The following ITGA1 variants were observed in gnomAD, a reference collection of about 807,000 sequenced individuals.
ITGA1 encodes integrin alpha-1.
In ITGA1, 85 loss-of-function variants were observed where a neutral mutation model predicts 145.9. The observed-to-expected ratio is 0.58, with a 90% CI of 0.49 to 0.70. ITGA1 has a LOEUF of 0.70. Among genes scored for constraint, ITGA1 ranks in the 30% least tolerant of loss-of-function variants. ITGA1 has a pLI of 0.00. For synonymous variants in ITGA1, 520 were observed against 495.3 expected (o/e 1.05, Z -0.66); for missense variants, 1,351 against 1,418.7 (o/e 0.95, Z 0.77).
chr5:52,924,907 C>A (rs1001881354), intron 18 of ITGA1, among the ~76,000 whole-genome samples: 5 of 152,090 alleles, frequency 3.3e-5, no homozygotes, highest in Non-Finnish European at 5.9e-5. Context: ...TTATGATATT[C>A]CTAAGTATTT....
rs199962878 is a variant in ITGA1, at chr5:52,915,499, A to T, written c.1893A>T (p.Lys631Asn). 5.8e-5 allele frequency: 93 copies of T among 1,613,886 alleles called. No homozygotes were observed. Among genetic ancestry groups the T allele is most frequent in the Admixed American group, 1.0e-4 (6 of 59,978 alleles). The change falls in exon 15 of 29, where the codon AAA becomes AAT. Residue 631 changes from lysine to asparagine, a missense_variant. Lys to Asn is a moderately conservative substitution (Grantham distance 94, BLOSUM62 0). Coordinates refer to ENST00000282588, the MANE Select transcript of ITGA1 (RefSeq NM_181501.2). ...CAGGTGGGGATGGTAAGACACTGAA[A>T]TTTTTTGGCCAGTCTATCCACGGAG... ...IPSGGDGKTL[K>N]FFGQSIHGEM...
At chr5:52,865,630 C>A in intron 5 of ITGA1, 60 bp from the exon 6 acceptor site, 1 of 1,361,494 alleles carries the variant, frequency 7.3e-7, no homozygotes, top group Admixed American at 2.8e-5. Flanking sequence ...CATGAAAGCA[C>A]TTCATATGCC....
rs780485293 is a variant in ITGA1 at position 52,905,884 on chromosome 5, T to C, written c.1431T>C (p.Ile477=). 7 of 1,613,212 alleles carry C rather than the reference T, an allele frequency of 4.3e-6. No homozygotes were observed. In the East Asian group the frequency reaches 1.1e-4, roughly 26 times the overall value. ...GGATGGAAGATGGAAACATCAAAAT[T>C]CTCCAGACGCTCAGTGGAGAACAGG... ...IYRMEDGNIK[I]LQTLSGEQIG... The change falls in exon 12 of 29, where the codon ATT becomes ATC. Residue 477 remains isoleucine (I), a synonymous_variant. Coordinates refer to ENST00000282588, the MANE Select transcript of ITGA1 (RefSeq NM_181501.2).
chr5:52,912,014 A>ATATATAC (rs1750557574), intron 14 of ITGA1, among the ~76,000 whole-genome samples: 3 of 138,044 alleles, frequency 2.2e-5, no homozygotes, highest in Non-Finnish European at 3.1e-5. Flanking sequence ...TATATATACT[A>ATATATAC]TATGTATAGT....
At chr5:52,803,915 A>G (rs368285944) in intron 1 of ITGA1, 6 of 152,238 alleles carry the variant, frequency 3.9e-5, no homozygotes, top group African/African-American at 1.4e-4. Flanking sequence ...CAGTCAGGAA[A>G]AAGATTTGAG....
At chr5:52,852,656 G>T (rs1389663502) in intron 2 of ITGA1, among the ~76,000 whole-genome samples, 1 of 152,124 alleles carries the variant, frequency 6.6e-6, no homozygotes, top group East Asian at 1.9e-4. Flanking sequence ...TTTCTAGGTA[G>T]TTGGAAACCT....
intron 1 of ITGA1, among the ~76,000 whole-genome samples, chr5:52,806,734 T>C (rs866471322): frequency 7.2e-5 from 11 of 152,212 alleles, no homozygotes; most frequent in Middle Eastern, 3.4e-3. Flanking sequence ...TAACATGTTA[T>C]TATATTGTGT....
chr5:52,841,338 G>T (rs1479572847), intron 1 of ITGA1, among the ~76,000 whole-genome samples: 2 of 152,072 alleles, frequency 1.3e-5, no homozygotes, highest in Non-Finnish European at 2.9e-5. Flanking sequence ...TGGTTGTGTT[G>T]CTTCTGTACT....
chr5:52,907,425 T>TC (rs528884056), intron 12 of ITGA1, among the ~76,000 whole-genome samples: 158 of 152,192 alleles, frequency 1.0e-3, no homozygotes, highest in African/African-American at 3.6e-3. Flanking sequence ...CCATTATCAC[T>TC]CCATTAATTG....
At chr5:52,862,971 T>A (rs1263095394) in intron 3 of ITGA1, among the ~76,000 whole-genome samples, 1 of 152,208 alleles carries the variant, frequency 6.6e-6, no homozygotes, top group African/African-American at 2.4e-5. Flanking sequence ...AATTCCAACA[T>A]CTGGAATATC....
intron 1 of ITGA1, among the ~76,000 whole-genome samples, chr5:52,832,436 G>C (rs1749086012): frequency 1.3e-5 from 2 of 152,182 alleles, no homozygotes; most frequent in Admixed American, 1.3e-4. Context: ...AAAAAAGGTA[G>C]TTGTTGGCTT....
chr5:52,880,140 T>C (rs762697398), intron 6 of ITGA1, among the ~76,000 whole-genome samples: 4 of 152,158 alleles, frequency 2.6e-5, no homozygotes, highest in Non-Finnish European at 4.4e-5. Flanking sequence ...GATGCCTTTT[T>C]ACTGAGAGGA....
intron 1 of ITGA1, among the ~76,000 whole-genome samples, chr5:52,814,169 CAG>C (rs1397209919): frequency 6.6e-6 from 1 of 152,160 alleles, no homozygotes; most frequent in African/African-American, 2.4e-5. Context: ...GATTTTGAGA[CAG>C]AGTCTCGCTC....
At chr5:52,808,676 C>CTTTCAT (rs1554041033) in intron 1 of ITGA1, among the ~76,000 whole-genome samples, 47 of 69,328 alleles carry the variant, frequency 6.8e-4, no homozygotes, top group African/African-American at 3.0e-3. Flanking sequence ...TTCTTTCTTT[C>CTTTCAT]TTTTTTTTTT....
intron 15 of ITGA1, among the ~76,000 whole-genome samples, chr5:52,916,904 C>A (rs1750656415): frequency 6.6e-6 from 1 of 152,124 alleles, no homozygotes; most frequent in South Asian, 2.1e-4. Flanking sequence ...GGCTTTCTTG[C>A]AAAGCTTTGC....
chr5:52,833,058 G>A (rs1561221904), intron 1 of ITGA1, among the ~76,000 whole-genome samples: 1 of 151,844 alleles, frequency 6.6e-6, no homozygotes, highest in Non-Finnish European at 1.5e-5. Flanking sequence ...TGGGCATGGT[G>A]GTACACACTT....
intron 1 of ITGA1, among the ~76,000 whole-genome samples, chr5:52,847,372 T>C (rs1268264084): frequency 6.6e-6 from 1 of 152,138 alleles, no homozygotes. Flanking sequence ...TGAGCAAGGG[T>C]TAAAATATTA....
intron 1 of ITGA1, among the ~76,000 whole-genome samples, chr5:52,822,019 C>T (rs1580047950): frequency 6.6e-6 from 1 of 152,244 alleles, no homozygotes; most frequent in African/African-American, 2.4e-5. Flanking sequence ...TTTCTTGCAA[C>T]TTAAATTGCA....
intron 24 of ITGA1, among the ~76,000 whole-genome samples, chr5:52,938,711 T>G (rs1251596618): frequency 6.6e-6 from 1 of 152,180 alleles, no homozygotes; most frequent in African/African-American, 2.4e-5. Context: ...CTTATAAATA[T>G]AGCATTTTAA....
Sources: gnomAD v4.1 joint callset for allele counts (sites outside exome capture counted in the v4.1 genomes callset) on GRCh38, gnomAD v4.1.1 for gene constraint, MANE v1.5 for transcripts, NCBI Gene and HGNC (gene_info 2026-07-23, HGNC 2026-07-21) for gene names.